EFHC2: variants seen among roughly 807,000 people sequenced by gnomAD.
EFHC2 encodes the protein EF-hand domain containing 2, also known as EF-hand domain-containing family member C2.
Under a neutral mutation model 52.7 loss-of-function variants are expected in EFHC2, and 18 were observed. The observed-to-expected ratio is 0.34, with a 90% CI of 0.24 to 0.51. The LOEUF is 0.51. Ranked by LOEUF, EFHC2 falls within the 20% of genes least tolerant of loss-of-function variation. The probability of loss-of-function intolerance (pLI) is 0.97; values close to 1 mark genes in which losing one functional copy is unlikely to be tolerated. For synonymous variants in EFHC2, 203 were observed against 204.1 expected (o/e 0.99, Z 0.04); for missense variants, 513 against 562.5 (o/e 0.91, Z 0.89).
chrX:44,289,085 A>G (rs746906123), intron 2 of EFHC2, among the ~76,000 whole-genome samples: 1 of 111,913 alleles, frequency 8.9e-6, no homozygotes, highest in South Asian at 3.7e-4. Context: ...ATTCTTCTAA[A>G]TAATTCATAT....
At chrX:44,166,220 C>T (rs7881435) in intron 13 of EFHC2, among the ~76,000 whole-genome samples, 24,234 of 110,685 alleles carry the variant, frequency 0.22, 2,018 homozygotes, top group Middle Eastern at 0.3. Flanking sequence ...TGAGAGATAA[C>T]GGCAGTTTAG....
At chrX:44,295,212 G>A (rs1336694630) in intron 2 of EFHC2, among the ~76,000 whole-genome samples, 2 of 111,632 alleles carry the variant, frequency 1.8e-5, no homozygotes, top group African/African-American at 6.5e-5. Context: ...AGTAATAAGG[G>A]TTTATGAAAA....
intron 14 of EFHC2, among the ~76,000 whole-genome samples, chrX:44,150,418 T>C (rs1306523030): frequency 9.0e-6 from 1 of 111,402 alleles, no homozygotes; most frequent in African/African-American, 3.3e-5. Flanking sequence ...TTGCGGCACA[T>C]GGTGCAAAGT....
chrX:44,149,434 T>C (rs977331682), intron 14 of EFHC2, among the ~76,000 whole-genome samples: 1 of 112,704 alleles, frequency 8.9e-6, no homozygotes, highest in Non-Finnish European at 1.9e-5. Context: ...TTGTGAACCA[T>C]TGAAATTTAA....
At chrX:44,334,420 T>C (rs2038105145) in intron 1 of EFHC2, among the ~76,000 whole-genome samples, 1 of 112,428 alleles carries the variant, frequency 8.9e-6, no homozygotes, top group Admixed American at 9.4e-5. Context: ...AGACAGCAAT[T>C]GTTTTGTCTG....
intron 13 of EFHC2, among the ~76,000 whole-genome samples, chrX:44,171,028 ATTC>A (rs2036741125): frequency 8.9e-6 from 1 of 111,916 alleles, no homozygotes; most frequent in Admixed American, 9.5e-5. Context: ...ACCTCCATAA[ATTC>A]TTCTTTCCCT....
intron 11 of EFHC2, among the ~76,000 whole-genome samples, chrX:44,192,776 C>T (rs2036931817): frequency 9.0e-6 from 1 of 110,970 alleles, no homozygotes; most frequent in African/African-American, 3.3e-5. Context: ...ATTTTTAATT[C>T]AGAAAATGTG....
chrX:44,186,944 T>C (rs1038822771), intron 11 of EFHC2, among the ~76,000 whole-genome samples: 7 of 107,044 alleles, frequency 6.5e-5, no homozygotes, highest in African/African-American at 1.7e-4. Context: ...CTAATGAGAC[T>C]CCATCTCTAC....
intron 14 of EFHC2, among the ~76,000 whole-genome samples, chrX:44,154,040 T>C (rs1194666002): frequency 1.8e-5 from 2 of 112,749 alleles, no homozygotes; most frequent in South Asian, 3.6e-4. Context: ...ACAAGCTTAC[T>C]TGTGTCTCTG....
At chrX:44,269,323 C>G (rs1197547785) in intron 3 of EFHC2, among the ~76,000 whole-genome samples, 2 of 110,937 alleles carry the variant, frequency 1.8e-5, no homozygotes, top group Non-Finnish European at 3.8e-5. Context: ...CTGTTTCTTG[C>G]TCTGTGCTCC....
At chrX:44,197,485 G>A (rs1307226453) in intron 11 of EFHC2, among the ~76,000 whole-genome samples, 2 of 111,493 alleles carry the variant, frequency 1.8e-5, no homozygotes, top group African/African-American at 6.5e-5. Context: ...GGAGCAGGCA[G>A]AAGAAACTGG....
chrX:44,285,772 G>A (rs1461918057), intron 2 of EFHC2: 2 of 155,937 alleles, frequency 1.3e-5, no homozygotes, highest in East Asian at 3.0e-4. Context: ...AGTGCACCAC[G>A]CATATCCCAG....
chrX:44,203,719 T>C (rs2037024453), intron 11 of EFHC2, among the ~76,000 whole-genome samples: 1 of 111,412 alleles, frequency 9.0e-6, no homozygotes, highest in African/African-American at 3.3e-5. Flanking sequence ...CCCCAGTATC[T>C]GGAACTACAG....
chrX:44,151,374 A>G (rs1315225135), intron 14 of EFHC2, among the ~76,000 whole-genome samples: 3 of 111,668 alleles, frequency 2.7e-5, no homozygotes, highest in African/African-American at 9.8e-5. Flanking sequence ...AGCAACAGAA[A>G]CTTATTCTTT....
intron 2 of EFHC2, among the ~76,000 whole-genome samples, chrX:44,275,913 C>CA (rs766678057): frequency 2.4e-3 from 144 of 60,439 alleles, no homozygotes; most frequent in African/African-American, 4.2e-3. Context: ...GACGCCATCT[C>CA]AAAAAAAAAA....
intron 11 of EFHC2, among the ~76,000 whole-genome samples, chrX:44,210,658 C>T (rs1181592976): frequency 3.6e-5 from 4 of 112,204 alleles, no homozygotes; most frequent in African/African-American, 1.3e-4. Context: ...ACTTCACACC[C>T]ATACAAAAAT....
chrX:44,229,076 T>C (rs1018967452), intron 11 of EFHC2, among the ~76,000 whole-genome samples: 2 of 112,209 alleles, frequency 1.8e-5, no homozygotes, highest in Non-Finnish European at 3.8e-5. Context: ...AGCTTCACCT[T>C]AGAGAAAATC....
chrX:44,250,966 C>T (rs1405850622), intron 4 of EFHC2, among the ~76,000 whole-genome samples: 5 of 107,543 alleles, frequency 4.6e-5, no homozygotes, highest in Non-Finnish European at 7.7e-5. Flanking sequence ...TGGCCGGGCG[C>T]GGTGGCTCAC....
chrX:44,275,879 A>ACTC (rs2037653238), intron 2 of EFHC2, among the ~76,000 whole-genome samples: 1 of 105,313 alleles, frequency 9.5e-6, no homozygotes, highest in Non-Finnish European at 1.9e-5. Flanking sequence ...GTGCCACTGC[A>ACTC]CTCCAGCCTG....
Sources: allele counts gnomAD v4.1 joint callset (sites outside exome capture counted in the v4.1 genomes callset), GRCh38; gene constraint gnomAD v4.1.1; transcripts MANE v1.5; gene names NCBI Gene and HGNC (gene_info 2026-07-23, HGNC 2026-07-21).